TRPS1: variants seen among roughly 807,000 people sequenced by gnomAD.
TRPS1 encodes the protein transcriptional repressor GATA binding 1.
Under a neutral mutation model 101.2 loss-of-function variants are expected in TRPS1, and 6 were observed. That is an observed-to-expected ratio of 0.06 (90% confidence interval 0.03 to 0.12). TRPS1 has a LOEUF of 0.12. Among genes scored for constraint, TRPS1 ranks in the 10% least tolerant of loss-of-function variants. The pLI is 1.00. For missense variants in TRPS1, 1,363 were observed against 1,567.0 expected, an observed-to-expected ratio of 0.87 and a Z score of 2.20; for synonymous variants, 578 against 589.8, an observed-to-expected ratio of 0.98 and a Z score of 0.29.
chr8:115,652,817 T>A (rs146603592), intron 1 of TRPS1, among the ~76,000 whole-genome samples: 323 of 152,320 alleles, frequency 2.1e-3, no homozygotes, highest in African/African-American at 7.3e-3. Flanking sequence ...ATATGCCTCA[T>A]GAGGTCAAGT....
Position 115,520,014 on chromosome 8 carries a change from C to T in TRPS1, c.2700+66987G>A, listed in dbSNP as rs771263434. Among the ~76,000 whole-genome samples the T allele has an allele frequency of 9.2e-4, 140 of 151,564 alleles. 1 individual carries two copies. The highest frequency in any genetic ancestry group is 2.8e-3 in the African/African-American group (117 of 41,418). On this transcript the variant is annotated intron_variant, in intron 5 of 6. Transcript: ENST00000395715. ...TCTAAAATATTCAATTCAGCAAAGA[C>T]GGAAATAAGCATCTAGATTCTAAAC...
intron 5 of TRPS1, among the ~76,000 whole-genome samples, chr8:115,473,871 TTC>T (rs765385142): frequency 1.2e-4 from 19 of 152,170 alleles, no homozygotes; most frequent in South Asian, 4.1e-4. Flanking sequence ...TTATGTAAGT[TTC>T]ATTAACATTT....
intron 5 of TRPS1, among the ~76,000 whole-genome samples, chr8:115,544,385 A>C (rs1339228058): frequency 6.6e-6 from 1 of 151,952 alleles, no homozygotes; most frequent in African/African-American, 2.4e-5. Context: ...TGACCTATAA[A>C]ATGCTGGATT....
intron 3 of TRPS1, among the ~76,000 whole-genome samples, chr8:115,611,381 C>A (rs1050943627): frequency 6.6e-6 from 1 of 152,142 alleles, no homozygotes; most frequent in African/African-American, 2.4e-5. Flanking sequence ...GGGAAGGTTG[C>A]TGTTTTAACA....
At chr8:115,478,945 A>ATGTATACATGTATATATG (rs1814682917) in intron 5 of TRPS1, among the ~76,000 whole-genome samples, 1 of 149,080 alleles carries the variant, frequency 6.7e-6, no homozygotes, top group African/African-American at 2.4e-5. Flanking sequence ...ATGTATATAA[A>ATGTATACATGTATATATG]TGTATACATG....
chr8:115,475,429 A>G (rs1177811720), intron 5 of TRPS1, among the ~76,000 whole-genome samples: 2 of 151,904 alleles, frequency 1.3e-5, no homozygotes. Flanking sequence ...GGAAACTATC[A>G]TAACTGTGTA....
rs182879598 is a variant in TRPS1 at position 115,546,144 on chromosome 8, T to C, written c.2700+40857A>G. Among the ~76,000 whole-genome samples the C allele has an allele frequency of 2.5e-3, 379 of 151,912 alleles. 1 individual carries two copies. Among genetic ancestry groups the C allele is most frequent in the Non-Finnish European group, 4.2e-3 (287 of 67,892 alleles). Reference sequence around the variant, plus strand: ...GTCAATGGTGGGCAGCAAGCAACTTTCAAAATAAATAACATGCAACAAATT... The same window carrying C: ...GTCAATGGTGGGCAGCAAGCAACTTCCAAAATAAATAACATGCAACAAATT... On this transcript the variant is annotated intron_variant, in intron 5 of 6. Coordinates refer to ENST00000395715, the MANE Select transcript of TRPS1 (RefSeq NM_014112.5).
chr8:115,585,074 A>T (rs980790588), intron 5 of TRPS1, among the ~76,000 whole-genome samples: 4 of 152,286 alleles, frequency 2.6e-5, no homozygotes, highest in South Asian at 2.1e-4. Flanking sequence ...GCCTTTGAAG[A>T]TAATAAATCA....
At chr8:115,629,461 G>A (rs1403269054) in intron 1 of TRPS1, among the ~76,000 whole-genome samples, 3 of 151,786 alleles carry the variant, frequency 2.0e-5, no homozygotes, top group African/African-American at 4.8e-5. Flanking sequence ...ATAAACATAC[G>A]TGGATATAAA....
At chr8:115,661,302 T>G (rs1811790160) in intron 1 of TRPS1, among the ~76,000 whole-genome samples, 1 of 152,040 alleles carries the variant, frequency 6.6e-6, no homozygotes, top group Non-Finnish European at 1.5e-5. Flanking sequence ...GTTAACTCCT[T>G]AAAAGATTCA....
intron 3 of TRPS1, among the ~76,000 whole-genome samples, chr8:115,614,734 C>T (rs1027937809): frequency 1.3e-5 from 2 of 152,152 alleles, no homozygotes; most frequent in African/African-American, 4.8e-5. Flanking sequence ...AACAAAGAAA[C>T]AGAACCTGCT....
intron 5 of TRPS1, among the ~76,000 whole-genome samples, chr8:115,428,138 G>T (rs1323028160): frequency 6.6e-6 from 1 of 152,094 alleles, no homozygotes; most frequent in Non-Finnish European, 1.5e-5. Flanking sequence ...TTATATATGT[G>T]TATGTTCCAA....
At chr8:115,416,203 G>A (rs966692851) in intron 6 of TRPS1, among the ~76,000 whole-genome samples, 1 of 151,858 alleles carries the variant, frequency 6.6e-6, no homozygotes, top group Non-Finnish European at 1.5e-5. Context: ...TAGCTTAAAC[G>A]TTACATGATT....
At chr8:115,543,787 A>G (rs1816508984) in intron 5 of TRPS1, among the ~76,000 whole-genome samples, 1 of 152,114 alleles carries the variant, frequency 6.6e-6, no homozygotes, top group South Asian at 2.1e-4. Context: ...CCCCTTCACC[A>G]GTTTATAGAT....
chr8:115,653,658 A>G (rs1204781189), intron 1 of TRPS1, among the ~76,000 whole-genome samples: 2 of 152,222 alleles, frequency 1.3e-5, no homozygotes, highest in Non-Finnish European at 2.9e-5. Flanking sequence ...TTAAAGAAAC[A>G]AAACAACCAA....
At chr8:115,455,147 T>C (rs1312400058) in intron 5 of TRPS1, among the ~76,000 whole-genome samples, 1 of 152,218 alleles carries the variant, frequency 6.6e-6, no homozygotes, top group Non-Finnish European at 1.5e-5. Flanking sequence ...AGTTCTCTAA[T>C]AGCCTATCTT....
chr8:115,425,586 A>G (rs1813168074), intron 5 of TRPS1, among the ~76,000 whole-genome samples: 1 of 152,204 alleles, frequency 6.6e-6, no homozygotes, highest in South Asian at 2.1e-4. Context: ...GCTACCCGAT[A>G]TATCAGGTAA....
At chr8:115,586,866 G>T in intron 5 of TRPS1, 135 bp downstream of exon 5, 1 of 1,499,218 alleles carries the variant, frequency 6.7e-7, no homozygotes, top group Non-Finnish European at 9.1e-7. Context: ...TTTGGCCTTA[G>T]GAGTATAAAT....
intron 5 of TRPS1, among the ~76,000 whole-genome samples, chr8:115,516,942 G>A (rs1586354827): frequency 6.6e-6 from 1 of 151,450 alleles, no homozygotes; most frequent in East Asian, 1.9e-4. Flanking sequence ...AAAGTAAAGG[G>A]TAGGGAGGAA....
Sources: gnomAD v4.1 joint callset for allele counts (sites outside exome capture counted in the v4.1 genomes callset) on GRCh38, gnomAD v4.1.1 for gene constraint, MANE v1.5 for transcripts, NCBI Gene and HGNC (gene_info 2026-07-23, HGNC 2026-07-21) for gene names.